CNTN1: variants seen among roughly 807,000 people sequenced by gnomAD.
CNTN1 encodes contactin-1.
A neutral mutation model predicts 126.4 loss-of-function variants in CNTN1; 38 were observed. The observed-to-expected ratio is 0.30, with a 90% CI of 0.23 to 0.39. CNTN1 has a LOEUF of 0.39. CNTN1 is among the 10% of genes least tolerant of loss of function. The pLI, the probability that CNTN1 is intolerant of heterozygous loss-of-function variation, is 1.00. For missense variants in CNTN1, 1,009 were observed against 1,248.4 expected (o/e 0.81, Z 2.89); for synonymous variants, 413 against 422.6 (o/e 0.98, Z 0.28).
chr12:40,907,210 C>G (rs531642278), intron 1 of CNTN1, among the ~76,000 whole-genome samples: 3 of 152,132 alleles, frequency 2.0e-5, no homozygotes, highest in Non-Finnish European at 4.4e-5. Context: ...ATGCAACACT[C>G]CTGTATAAGG....
At chr12:40,895,809 G>C (rs989189273) in intron 1 of CNTN1, 1 of 147,758 alleles carries the variant, frequency 6.8e-6, no homozygotes, top group Non-Finnish European at 1.5e-5. Flanking sequence ...CCAGGCTGGA[G>C]TGCAGTGGCG....
intron 15 of CNTN1, among the ~76,000 whole-genome samples, chr12:40,960,402 G>T (rs960958653): frequency 6.6e-6 from 1 of 151,924 alleles, no homozygotes; most frequent in Non-Finnish European, 1.5e-5. Context: ...GCAATAAAAT[G>T]ATATTTGTGG....
chr12:41,029,969 T>A (rs12825145), intron 23 of CNTN1, among the ~76,000 whole-genome samples: 5,326 of 152,088 alleles, frequency 0.035, 124 homozygotes, highest in Middle Eastern at 0.11. Flanking sequence ...CCTATATGCA[T>A]GATATAGTTT....
At chr12:40,883,256 A>G (rs1246018934) in intron 1 of CNTN1, among the ~76,000 whole-genome samples, 1 of 151,582 alleles carries the variant, frequency 6.6e-6, no homozygotes, top group Non-Finnish European at 1.5e-5. Context: ...TTCTTCAGCT[A>G]TTTGTTGACT....
chr12:40,867,249 T>A lies in CNTN1; in HGVS notation c.-76-41108T>A, dbSNP rs185934198. 2.1e-4 allele frequency among the ~76,000 whole-genome samples: 32 copies of A among 152,162 alleles called. No individual in the cohort carries two copies. The East Asian group carries it at 4.1e-3, about 19-fold the overall frequency. On this transcript the variant is annotated intron_variant, in intron 1 of 23. Coordinates refer to ENST00000551295, the MANE Select transcript of CNTN1 (RefSeq NM_001843.4). Reference sequence around the variant, plus strand: ...TGACATAGAAACTAAAAAGACAAGGTCTCCCCACACCCCATCTGCATCCAT... The same window carrying A: ...TGACATAGAAACTAAAAAGACAAGGACTCCCCACACCCCATCTGCATCCAT...
rs190450919 is a variant in CNTN1, at chr12:40,743,059, G to A, written c.-77+50467G>A. On this transcript the variant is annotated intron_variant, in intron 1 of 23. Coordinates refer to ENST00000551295, the MANE Select transcript of CNTN1 (RefSeq NM_001843.4). The stretch of plus-strand genomic sequence containing the variant: ...ACAAATTATTCTGCAGGTTGAGGCC[G>A]GGGGAATGGGAGGCTTCATTAAAGA... Among the ~76,000 whole-genome samples, 459 of 152,128 alleles carry A rather than the reference G, an allele frequency of 3.0e-3. 3 individuals are homozygous for A. The highest frequency in any genetic ancestry group is 0.01 in the African/African-American group (416 of 41,530).
chr12:41,031,976 G>A lies in CNTN1; in HGVS notation c.2980+2757G>A, dbSNP rs76428329. Among the ~76,000 whole-genome samples, 779 of 151,970 alleles carry A rather than the reference G, an allele frequency of 5.1e-3. 8 individuals carry two copies. The highest frequency in any genetic ancestry group is 0.018 in the African/African-American group (728 of 41,412). ...CTTTTGGTTTTCATGCCCTAAATAC[G>A]TAGCCAGGATTATAACACACTACTA... On this transcript the variant is annotated intron_variant, in intron 23 of 23. Coordinates refer to ENST00000551295, the MANE Select transcript of CNTN1 (RefSeq NM_001843.4).
At chr12:41,054,252 A>G (rs1949753863) in intron 23 of CNTN1, among the ~76,000 whole-genome samples, 1 of 151,900 alleles carries the variant, frequency 6.6e-6, no homozygotes, top group Non-Finnish European at 1.5e-5. Flanking sequence ...TAGCATCGAT[A>G]TTGGGAAAAA....
chr12:40,926,900 C>G (rs1413599078), intron 6 of CNTN1, among the ~76,000 whole-genome samples: 1 of 152,018 alleles, frequency 6.6e-6, no homozygotes, highest in Non-Finnish European at 1.5e-5. Context: ...AAAGTTTTTG[C>G]TGTGAGATCC....
At chr12:41,013,411 T>G (rs1179477837) in intron 17 of CNTN1, among the ~76,000 whole-genome samples, 2 of 152,180 alleles carry the variant, frequency 1.3e-5, no homozygotes, top group African/African-American at 2.4e-5. Context: ...GGGCTGCTTT[T>G]CATTAAAAAG....
At chr12:40,813,210 T>C (rs1941148659) in intron 1 of CNTN1, among the ~76,000 whole-genome samples, 2 of 103,794 alleles carry the variant, frequency 1.9e-5, no homozygotes, top group Non-Finnish European at 4.1e-5. Flanking sequence ...AATTTCAGTT[T>C]TTTCTTATTT....
At chr12:40,705,413 A>G (rs1260727503) in intron 1 of CNTN1, among the ~76,000 whole-genome samples, 1 of 152,064 alleles carries the variant, frequency 6.6e-6, no homozygotes, top group Non-Finnish European at 1.5e-5. Flanking sequence ...TGTGTTTGAG[A>G]TGGGGTAAGC....
chr12:40,718,692 A>G (rs1942112569), intron 1 of CNTN1, among the ~76,000 whole-genome samples: 3 of 152,178 alleles, frequency 2.0e-5, no homozygotes, highest in South Asian at 2.1e-4. Context: ...TGTGAGGTAG[A>G]CTACTATCCC....
intron 17 of CNTN1, among the ~76,000 whole-genome samples, chr12:41,002,229 G>C (rs1566119804): frequency 6.6e-6 from 1 of 152,140 alleles, no homozygotes; most frequent in Non-Finnish European, 1.5e-5. Flanking sequence ...GCTTTGGGCA[G>C]TATGGCCATT....
At chr12:40,849,780 T>C (rs1016721448) in intron 1 of CNTN1, among the ~76,000 whole-genome samples, 3 of 152,040 alleles carry the variant, frequency 2.0e-5, no homozygotes, top group Admixed American at 6.6e-5. Flanking sequence ...CAGCATGCCA[T>C]ATGCAGCCAA....
rs1248391840 is a variant in CNTN1 at position 40,921,176 on chromosome 12, G to A, written c.228-1080G>A. Among the ~76,000 whole-genome samples the A allele has an allele frequency of 4.6e-5, 7 of 152,266 alleles. No homozygotes were observed. In the East Asian group the frequency reaches 5.8e-4, roughly 13 times the overall value. ...GCTTTTAAATTATCTCCTATACTGC[G>A]AAAATTGTAACTAATAATGTTCCAG... On this transcript the variant is annotated intron_variant, in intron 4 of 23. Coordinates refer to ENST00000551295, the MANE Select transcript of CNTN1 (RefSeq NM_001843.4).
chr12:40,842,000 T>TAAAAAGA (rs368159227), intron 1 of CNTN1, among the ~76,000 whole-genome samples: 23,252 of 151,608 alleles, frequency 0.15, 1,779 homozygotes, highest in Middle Eastern at 0.2. Flanking sequence ...AAATTTTTTT[T>TAAAAAGA]AAAAAAAGAA....
chr12:41,005,397 A>G (rs1592389482), intron 17 of CNTN1, among the ~76,000 whole-genome samples: 5 of 152,032 alleles, frequency 3.3e-5, no homozygotes, highest in Admixed American at 3.3e-4. Flanking sequence ...AAATATGATG[A>G]TTATGTGTCT....
intron 14 of CNTN1, among the ~76,000 whole-genome samples, chr12:40,954,927 G>A (rs749490671): frequency 6.6e-6 from 1 of 152,050 alleles, no homozygotes; most frequent in African/African-American, 2.4e-5. Context: ...TTTTTGGGGG[G>A]ACTTCATCAA....
Sources: allele counts gnomAD v4.1 joint callset (sites outside exome capture counted in the v4.1 genomes callset), GRCh38; gene constraint gnomAD v4.1.1; transcripts MANE v1.5; gene names NCBI Gene and HGNC (gene_info 2026-07-23, HGNC 2026-07-21).